The following SUCLA2 variants were observed in gnomAD, a reference collection of about 807,000 sequenced individuals.
SUCLA2 encodes the protein succinate--CoA ligase [ADP-forming] subunit beta, mitochondrial.
Under a neutral mutation model 54.8 loss-of-function variants are expected in SUCLA2, and 30 were observed. The observed-to-expected ratio is 0.55, with a 90% CI of 0.41 to 0.74. The LOEUF (loss-of-function observed/expected upper bound fraction) is 0.74. Among genes scored for constraint, SUCLA2 ranks in the 30% least tolerant of loss-of-function variants. The pLI, the probability that SUCLA2 is intolerant of heterozygous loss-of-function variation, is 0.00. For missense variants in SUCLA2, 476 were observed against 562.9 expected, an observed-to-expected ratio of 0.85 and a Z score of 1.56; for synonymous variants, 172 against 188.9, an observed-to-expected ratio of 0.91 and a Z score of 0.74.
At chr13:47,989,119 C>T in intron 2 of SUCLA2, 138 bp from the exon 3 acceptor site, 1 of 814,230 alleles carries the variant, frequency 1.2e-6, no homozygotes, top group Non-Finnish European at 2.0e-6. Context: ...ATAAGGCATT[C>T]TCTTTATGTA....
intron 2 of SUCLA2, among the ~76,000 whole-genome samples, chr13:47,993,626 T>C (rs1258730074): frequency 2.0e-5 from 3 of 152,134 alleles, no homozygotes; most frequent in Non-Finnish European, 4.4e-5. Context: ...CCAAACCCCA[T>C]GCTAACTCAA....
In SUCLA2 at chr13:47,994,278, C is replaced by G. The variant is rs7319236; in HGVS notation, c.271+2565G>C. On this transcript the variant is annotated intron_variant, in intron 2 of 10. Coordinates refer to ENST00000646932, the MANE Select transcript of SUCLA2 (RefSeq NM_003850.3). ...TTTGTTATCAATGACTCACTAAAAACACAAAATTGGGCTGGGTGCGGTGGC... is the reference window on the plus strand; with the variant it reads ...TTTGTTATCAATGACTCACTAAAAAGACAAAATTGGGCTGGGTGCGGTGGC... Among the ~76,000 whole-genome samples the G allele has an allele frequency of 3.0e-3, 462 of 151,624 alleles. 3 individuals carry two copies. Among genetic ancestry groups the G allele is most frequent in the African/African-American group, 0.011 (441 of 41,366 alleles).
chr13:47,943,401 A>G lies in SUCLA2; in HGVS notation c.1362T>C (p.His454=), dbSNP rs770519528. 27 of 1,613,908 alleles carry G rather than the reference A, an allele frequency of 1.7e-5. No individual in the cohort carries two copies. The East Asian group carries it at 5.8e-4, about 35-fold the overall frequency. The change falls in exon 11 of 11, where the codon CAT becomes CAC. Residue 454 remains histidine (H), a synonymous_variant. Coordinates refer to ENST00000646932, the MANE Select transcript of SUCLA2 (RefSeq NM_003850.3). ...SEIVTLAKQA[H]VDVKFQLPI is the part of the protein sequence containing the mutation. ...TTGGCAACTGAAATTTCACATCCACATGTGCTTGCTTCGCTAAGGTCACTA... is the reference window on the plus strand; with the variant it reads ...TTGGCAACTGAAATTTCACATCCACGTGTGCTTGCTTCGCTAAGGTCACTA...
At chr13:47,985,557 G>T (rs143015726) in intron 4 of SUCLA2, among the ~76,000 whole-genome samples, 15 of 152,280 alleles carry the variant, frequency 9.9e-5, no homozygotes, top group African/African-American at 3.1e-4. Flanking sequence ...TCCCTGCAAA[G>T]GACATAATCT....
chr13:47,969,400 T>C (rs1949944231), intron 5 of SUCLA2, among the ~76,000 whole-genome samples: 1 of 152,258 alleles, frequency 6.6e-6, no homozygotes, highest in South Asian at 2.1e-4. Context: ...TTCCAGGCAC[T>C]GTGCTAGGCC....
At chr13:47,957,273 G>T (rs965118737) in intron 6 of SUCLA2, among the ~76,000 whole-genome samples, 2 of 152,188 alleles carry the variant, frequency 1.3e-5, no homozygotes, top group Admixed American at 1.3e-4. Flanking sequence ...TGCAGCACCC[G>T]ATTAAAGCCT....
chr13:47,997,557 GC>G (rs1950200515), intron 1 of SUCLA2, among the ~76,000 whole-genome samples: 1 of 152,174 alleles, frequency 6.6e-6, no homozygotes, highest in Admixed American at 6.5e-5. Flanking sequence ...GGCATTCATA[GC>G]CCCCACTGCT....
Position 47,954,466 on chromosome 13 carries a change from A to G in SUCLA2, c.894T>C (p.Asp298=), listed in dbSNP as rs113049148. ...IFDLQDWTQE[D]ERDKDAAKAN... ...CCTTAGCAGCATCTTTGTCCCTTTC[A>G]TCTTCCTGGGTCCAGTCCTGTAGAT... The change falls in exon 7 of 11, where the codon GAT becomes GAC. Residue 298 remains aspartate (D), a synonymous_variant. Transcript: ENST00000646932. 17 of 1,613,968 alleles carry G rather than the reference A, an allele frequency of 1.1e-5. No homozygotes were observed. The East Asian group carries it at 1.8e-4, about 17-fold the overall frequency.
intron 1 of SUCLA2, 42 bp from the exon 2 acceptor site, chr13:47,997,065 G>T: frequency 6.2e-7 from 1 of 1,607,938 alleles, no homozygotes; most frequent in Non-Finnish European, 8.5e-7. Flanking sequence ...CAGTGATTTG[G>T]CAGTCACTCT....
chr13:47,977,383 C>T (rs999580079), intron 4 of SUCLA2, among the ~76,000 whole-genome samples: 2 of 152,068 alleles, frequency 1.3e-5, no homozygotes, highest in Non-Finnish European at 2.9e-5. Flanking sequence ...CTTTCCCAAG[C>T]TCTTTTCAAA....
intron 1 of SUCLA2, among the ~76,000 whole-genome samples, chr13:47,998,388 G>A (rs988341260): frequency 6.6e-6 from 1 of 151,188 alleles, no homozygotes; most frequent in Non-Finnish European, 1.5e-5. Flanking sequence ...TCCCATTCCT[G>A]GGTATGTATC....
At chr13:47,985,588 A>T (rs1416187947) in intron 4 of SUCLA2, among the ~76,000 whole-genome samples, 1 of 152,202 alleles carries the variant, frequency 6.6e-6, no homozygotes, top group Non-Finnish European at 1.5e-5. Context: ...TTATGGCTGC[A>T]GAGTATTCCA....
At chr13:47,985,237 T>G (rs1950092106) in intron 4 of SUCLA2, among the ~76,000 whole-genome samples, 2 of 152,192 alleles carry the variant, frequency 1.3e-5, no homozygotes, top group African/African-American at 4.8e-5. Flanking sequence ...TTTTTTCTCT[T>G]CAACTTTTAA....
At chr13:47,995,288 T>G (rs1309889211) in intron 2 of SUCLA2, among the ~76,000 whole-genome samples, 1 of 140,200 alleles carries the variant, frequency 7.1e-6, no homozygotes, top group African/African-American at 2.7e-5. Flanking sequence ...ACATTAACCA[T>G]GCAGAAGTTC....
At chr13:47,961,872 CTT>C (rs1949874029) in intron 6 of SUCLA2, among the ~76,000 whole-genome samples, 1 of 152,150 alleles carries the variant, frequency 6.6e-6, no homozygotes, top group African/African-American at 2.4e-5. Flanking sequence ...CAAAAAGTGA[CTT>C]ATAATCACCT....
intron 8 of SUCLA2, among the ~76,000 whole-genome samples, chr13:47,951,149 CT>C (rs1949772337): frequency 6.6e-6 from 1 of 152,278 alleles, no homozygotes; most frequent in East Asian, 1.9e-4. Context: ...AAACGAATTA[CT>C]ACCATGGATA....
chr13:47,954,339 T>G (rs1460853364), intron 7 of SUCLA2, 57 bp from the exon 8 acceptor site: 27 of 1,613,664 alleles, frequency 1.7e-5, no homozygotes, highest in Non-Finnish European at 1.9e-5. Context: ...TAAATTAAAC[T>G]TAGTAAATCC....
intron 2 of SUCLA2, chr13:47,994,975 G>A: frequency 6.2e-6 from 3 of 486,160 alleles, no homozygotes; most frequent in Non-Finnish European, 8.0e-6. Context: ...TTATGAAAAA[G>A]TTTCTATGCA....
At chr13:47,998,583 T>C (rs1344988469) in intron 1 of SUCLA2, among the ~76,000 whole-genome samples, 1 of 152,186 alleles carries the variant, frequency 6.6e-6, no homozygotes, top group East Asian at 1.9e-4. Flanking sequence ...AAAAAAGTAC[T>C]ATGGCTCACA....
Sources: gnomAD v4.1 joint callset for allele counts (sites outside exome capture counted in the v4.1 genomes callset) on GRCh38, gnomAD v4.1.1 for gene constraint, MANE v1.5 for transcripts, NCBI Gene and HGNC (gene_info 2026-07-23, HGNC 2026-07-21) for gene names.